The following RYR1 variants were observed in gnomAD, a reference collection of about 807,000 sequenced individuals.
The protein encoded by RYR1 is ryanodine receptor 1.
In RYR1, 342 loss-of-function variants were observed where a neutral mutation model predicts 583.5. The observed-to-expected ratio is 0.59, with a 90% CI of 0.54 to 0.64. The LOEUF (loss-of-function observed/expected upper bound fraction) is 0.64, where lower values mean the gene tolerates loss of function less well. RYR1 is among the 30% of genes least tolerant of loss of function. The pLI is 0.00. For missense variants in RYR1, 6,032 were observed against 6,917.2 expected (o/e 0.87, Z 4.54); for synonymous variants, 2,791 against 2,822.5 (o/e 0.99, Z 0.35).
intron 76 of RYR1, among the ~76,000 whole-genome samples, chr19:38,531,415 T>A (rs1340696418): frequency 6.6e-6 from 1 of 151,808 alleles, no homozygotes; most frequent in Non-Finnish European, 1.5e-5. Context: ...GGTCAGTTTG[T>A]TAATATATAC....
At chr19:38,568,766 T>TGGGGGGCG (rs1973566790) in intron 93 of RYR1, among the ~76,000 whole-genome samples, 1 of 5,920 alleles carries the variant, frequency 1.7e-4, no homozygotes, top group Non-Finnish European at 3.1e-4. Context: ...AAAGTGGTGG[T>TGGGGGGCG]GGGGGGCGGG....
rs200705208 is a variant in RYR1, at chr19:38,512,720, T to C, written c.9472+237T>C. ...GACTCACACCTGTAATTCCAGCACTTTGGGAGGCTGAGGCAGGAGGACCGC... is the reference window on the plus strand; with the variant it reads ...GACTCACACCTGTAATTCCAGCACTCTGGGAGGCTGAGGCAGGAGGACCGC... On this transcript the variant is annotated intron_variant, in intron 63 of 105. Transcript: ENST00000359596. This position sits in a 1 kb window ranked among gnomAD's most constrained non-coding sequence, Gnocchi z 5.1. Among the ~76,000 whole-genome samples the C allele has an allele frequency of 3.0e-4, 45 of 152,104 alleles. No individual in the cohort carries two copies. The East Asian group carries it at 8.7e-3, about 29-fold the overall frequency.
chr19:38,448,592 G>A (rs1966912626), intron 10 of RYR1, 57 bp from the exon 11 acceptor site: 10 of 1,614,072 alleles, frequency 6.2e-6, no homozygotes, highest in East Asian at 2.2e-5. Flanking sequence ...CCTCAGGGGG[G>A]CTCCCCTGCT....
Position 38,506,505 on chromosome 19 carries a change from A to G in RYR1, c.8651A>G (p.Asn2884Ser), listed in dbSNP as rs761099418. The G allele has an allele frequency of 4.3e-6, 7 of 1,613,954 alleles. No individual in the cohort carries two copies. Among genetic ancestry groups the G allele is most frequent in the Non-Finnish European group, 5.9e-6 (7 of 1,179,990 alleles). ...MAEQLAENYHNTWGRKKKQEL... is the reference protein window; with the variant it reads ...MAEQLAENYHSTWGRKKKQEL... ...GAACAACTGGCAGAAAATTACCACA[A>G]CACGTGGGGACGGAAGAAGAAGCAG... The change falls in exon 56 of 106, where the codon AAC becomes AGC. Residue 2884 changes from asparagine (N) to serine (S), a missense_variant. This residue lies in a region of RYR1 where 1,493 missense variants were observed against 1,715.5 expected (regional missense o/e 0.87). Transcript: ENST00000359596.
In RYR1 at chr19:38,489,276, G is replaced by A; in HGVS notation, c.5647G>A (p.Glu1883Lys). The A allele has an allele frequency of 6.2e-7, 1 of 1,608,264 alleles. No individual in the cohort carries two copies. ...EEEEEEDEEE[E>K]GEEEDEEEKE... ...AGAAGAGGAGGAGGACGAGGAGGAA[G>A]AGGGTGAAGAGGAAGATGAGGAGGA... Residue 1883 changes from glutamate to lysine, a missense_variant, in exon 35 of 106, where the codon GAG becomes AAG. Glu to Lys is a moderately conservative substitution (Grantham distance 56, BLOSUM62 1). This residue lies in a region of RYR1 where 2,627 missense variants were observed against 2,961.3 expected (regional missense o/e 0.89). Coordinates refer to ENST00000359596, the MANE Select transcript of RYR1 (RefSeq NM_000540.3).
chr19:38,546,995 A>T (rs1436473177), intron 88 of RYR1, among the ~76,000 whole-genome samples: 1 of 150,362 alleles, frequency 6.7e-6, no homozygotes. Context: ...CAAATGTGGC[A>T]AAAGATAAAC....
Position 38,529,072 on chromosome 19 carries a change from C to A in RYR1, c.11141+15C>A, listed in dbSNP as rs758830076. ...ACGGAAAAGAGGTGAAGACTCTTGC[C>A]AGGGCCCCAGAAATGCCCCCAAGGT... On this transcript the variant is annotated intron_variant, in intron 76 of 105. Coordinates refer to ENST00000359596, the MANE Select transcript of RYR1 (RefSeq NM_000540.3). 1 of 1,612,762 alleles carries A rather than the reference C, an allele frequency of 6.2e-7. No homozygotes were observed. Among genetic ancestry groups the A allele is most frequent in the Admixed American group, 1.7e-5 (1 of 59,972 alleles).
Position 38,433,746 on chromosome 19 carries a change from G to GCCCCCCCC in RYR1, c.-81_-80insCCCCCCCC. 9.6e-6 allele frequency: 5 copies of GCCCCCCCC among 520,726 alleles called. No individual in the cohort carries two copies. Among genetic ancestry groups the GCCCCCCCC allele is most frequent in the Non-Finnish European group, 1.1e-5 (3 of 269,356 alleles). The allele number at this position is 520,726 out of a possible 1,614,324, so 32.3% of individuals were successfully genotyped here. ...GTGTCTCCAGAGGTCTCCGACCCCA[G>GCCCCCCCC]CCCGCCCCCAGCCCTCCCGCCCAGC... On this transcript the variant is annotated 5_prime_UTR_variant, in exon 1 of 106. Transcript: ENST00000359596.
intron 88 of RYR1, among the ~76,000 whole-genome samples, chr19:38,547,019 G>A (rs1176875482): frequency 7.4e-6 from 1 of 134,306 alleles, no homozygotes; most frequent in Non-Finnish European, 1.6e-5. Flanking sequence ...TGATGAATGT[G>A]GATATATTAG....
intron 84 of RYR1, among the ~76,000 whole-genome samples, chr19:38,541,566 A>AC: frequency 6.6e-6 from 1 of 152,294 alleles, no homozygotes; most frequent in East Asian, 1.9e-4. Context: ...ATGCAAAAAA[A>AC]TTAGCCGGGC....
chr19:38,442,578 CCT>C (rs1972746355), intron 3 of RYR1, 125 bp downstream of exon 3: 3 of 693,108 alleles, frequency 4.3e-6, no homozygotes, highest in East Asian at 2.7e-5. Flanking sequence ...TGCTCTTCTT[CCT>C]CTCTCTGCCC....
Position 38,523,132 on chromosome 19 carries a change from A to G in RYR1, c.10347+17A>G, listed in dbSNP as rs917084907. 19 of 1,613,384 alleles carry G rather than the reference A, an allele frequency of 1.2e-5. No homozygotes were observed. The highest frequency in any genetic ancestry group is 1.6e-5 in the Non-Finnish European group (19 of 1,179,746). ...AAGTCCCACGTGAGTGCCCACCCCA[A>G]CCGCCCTCCCCACAACCAGAGGAGC... is the stretch of plus-strand genomic sequence containing the variant. On this transcript the variant is annotated intron_variant, in intron 68 of 105. Transcript: ENST00000359596.
chr19:38,466,395 C>A lies in RYR1; in HGVS notation c.3175C>A (p.Pro1059Thr). Residue 1059 changes from proline (P) to threonine (T), a missense_variant, in exon 24 of 106, where the codon CCC becomes ACC. Around this residue, in one of 11 missense-constraint regions of RYR1, gnomAD observed 2,627 missense variants for 2,961.3 expected, o/e 0.89. Coordinates refer to ENST00000359596, the MANE Select transcript of RYR1 (RefSeq NM_000540.3). ...GYNIEPPDQE[P>T]SQVENQSRCD... ...CAACATCGAGCCTCCTGACCAGGAG[C>A]CCAGTGAGTGCTCACCCCTGGCCCT... 6.5e-7 allele frequency: 1 copy of A among 1,545,608 alleles called. No homozygotes were observed. Among genetic ancestry groups the A allele is most frequent in the South Asian group, 1.2e-5 (1 of 84,080 alleles).
At chr19:38,440,901 C>A in intron 2 of RYR1, 37 bp downstream of exon 2, 1 of 1,594,096 alleles carries the variant, frequency 6.3e-7, no homozygotes, top group Non-Finnish European at 8.6e-7. Flanking sequence ...GGGACAGGGG[C>A]GTCTGAAGGG....
Position 38,535,276 on chromosome 19 carries a change from G to A in RYR1, c.11440-40G>A, listed in dbSNP as rs749579724. ...GCAAGGAGGGATGAGAGGTTCCTGT[G>A]TGACTCCCAGTTTCTCCTCCCCTGC... On this transcript the variant is annotated intron_variant, in intron 80 of 105. Transcript: ENST00000359596. 20 of 1,613,152 alleles carry A rather than the reference G, an allele frequency of 1.2e-5. No individual in the cohort carries two copies. The East Asian group carries it at 4.0e-4, about 32-fold the overall frequency.
At position 38,503,032 on chromosome 19, in the gene RYR1, T is replaced by C. The variant is rs933983194; in HGVS notation, c.7926+62T>C. The stretch of plus-strand genomic sequence containing the variant: ...CCGCACCCACTGGTTTGCTCTTCCC[T>C]CCTACTGCGGGGCTCATTTGTGTCG... On this transcript the variant is annotated intron_variant, in intron 49 of 105. Transcript: ENST00000359596. The C allele has an allele frequency of 2.0e-6, 3 of 1,523,648 alleles. No individual in the cohort carries two copies. In the African/African-American group the frequency reaches 4.1e-5, roughly 21 times the overall value. 94.4% of individuals were successfully genotyped at this position (1,523,648 alleles called of 1,614,324 possible).
In RYR1 at chr19:38,512,648, G is replaced by T. The variant is rs919816617; in HGVS notation, c.9472+165G>T. Among the ~76,000 whole-genome samples, 1 of 152,106 alleles carries T rather than the reference G, an allele frequency of 6.6e-6. No individual in the cohort carries two copies. Among genetic ancestry groups the T allele is most frequent in the Non-Finnish European group, 1.5e-5 (1 of 68,030 alleles). On this transcript the variant is annotated intron_variant, in intron 63 of 105. Transcript: ENST00000359596. The surrounding 1 kb of genome is among the most constrained non-coding windows in gnomAD (Gnocchi z 5.1). ...AGGTGGCAAATGAGTTAATGAGGAC[G>T]CGAGCTCAGCAGCTCTAACAAAAGA... is the stretch of plus-strand genomic sequence containing the variant.
intron 25 of RYR1, among the ~76,000 whole-genome samples, chr19:38,468,319 TCCAA>T (rs1379690254): frequency 1.3e-5 from 2 of 150,748 alleles, no homozygotes; most frequent in Non-Finnish European, 3.0e-5. Context: ...CCCTCATCCA[TCCAA>T]CCAACCATCC....
Position 38,483,789 on chromosome 19 carries a change from C to T in RYR1, c.4934+273C>T, listed in dbSNP as rs924651967. Among the ~76,000 whole-genome samples the T allele has an allele frequency of 3.4e-4, 51 of 151,976 alleles. No homozygotes were observed. The highest frequency in any genetic ancestry group is 1.2e-3 in the African/African-American group (50 of 41,364). On this transcript the variant is annotated intron_variant, in intron 33 of 105. Transcript: ENST00000359596. The surrounding 1 kb of genome is among the most constrained non-coding windows in gnomAD (Gnocchi z 6.3). ...AGACAATACCCCAAGGACCCAGACC[C>T]ACTCCACAGGGCCCCAAACCCATCT...
Sources: gnomAD v4.1 joint callset for allele counts (sites outside exome capture counted in the v4.1 genomes callset) on GRCh38, gnomAD v4.1.1 for gene constraint, gnomAD v4.1.1 regional missense constraint, Gnocchi (gnomAD v3.1) non-coding constraint, MANE v1.5 for transcripts, NCBI Gene and HGNC (gene_info 2026-07-23, HGNC 2026-07-21) for gene names.